ST18: variants seen among roughly 807,000 people sequenced by gnomAD.
ST18 encodes the protein ST18 C2H2C-type zinc finger transcription factor.
Under a neutral mutation model 110.0 loss-of-function variants are expected in ST18, and 50 were observed. The ratio of observed to expected loss-of-function variants is 0.45; its 90% CI spans 0.36 to 0.58. The LOEUF is 0.58. Ranked by LOEUF, ST18 falls within the 20% of genes least tolerant of loss-of-function variation. The pLI, the probability that ST18 is intolerant of heterozygous loss-of-function variation, is 0.00. For synonymous variants in ST18, 461 were observed against 452.4 expected, an observed-to-expected ratio of 1.02 and a Z score of -0.24; for missense variants, 1,306 against 1,280.1, an observed-to-expected ratio of 1.02 and a Z score of -0.31.
At chr8:52,304,155 T>C (rs1589753428) in intron 2 of ST18, among the ~76,000 whole-genome samples, 1 of 152,134 alleles carries the variant, frequency 6.6e-6, no homozygotes, top group Non-Finnish European at 1.5e-5. Flanking sequence ...CTGCAGGATA[T>C]AAAATAAACT....
intron 3 of ST18, among the ~76,000 whole-genome samples, chr8:52,223,848 G>A (rs2088039020): frequency 6.6e-6 from 1 of 152,094 alleles, no homozygotes; most frequent in Non-Finnish European, 1.5e-5. Context: ...CATACCAAGG[G>A]AACCAGACCA....
intron 2 of ST18, among the ~76,000 whole-genome samples, chr8:52,253,541 T>C (rs1208723697): frequency 6.6e-6 from 1 of 152,188 alleles, no homozygotes; most frequent in East Asian, 1.9e-4. Flanking sequence ...TACTTATCAA[T>C]TTAAATTTCC....
chr8:52,239,719 G>A (rs1198815724), intron 2 of ST18, among the ~76,000 whole-genome samples: 1 of 152,168 alleles, frequency 6.6e-6, no homozygotes, highest in Non-Finnish European at 1.5e-5. Flanking sequence ...TATTAGAGAA[G>A]CCAAAGTCTT....
At position 52,375,056 on chromosome 8, in the gene ST18, A is replaced by T. The variant is rs577536368; in HGVS notation, c.-465+34272T>A. ...TCCTAGTCCAAATCAATCCTCTTCA[A>T]CTTGATCCTGTCTCCCCTGACTCAG... On this transcript the variant is annotated intron_variant, in intron 2 of 25. Coordinates refer to ENST00000689386, the MANE Select transcript of ST18 (RefSeq NM_001352837.2). Among the ~76,000 whole-genome samples the T allele has an allele frequency of 5.9e-5, 9 of 151,988 alleles. No individual in the cohort carries two copies. The South Asian group carries it at 1.0e-3, about 18-fold the overall frequency.
chr8:52,379,735 T>C (rs1833832258), intron 2 of ST18, among the ~76,000 whole-genome samples: 1 of 152,156 alleles, frequency 6.6e-6, no homozygotes, highest in African/African-American at 2.4e-5. Context: ...TTATCAAAAC[T>C]CACACATATA....
intron 8 of ST18, among the ~76,000 whole-genome samples, chr8:52,196,510 C>T (rs1334031684): frequency 2.0e-5 from 3 of 152,062 alleles, no homozygotes; most frequent in Admixed American, 2.0e-4. Flanking sequence ...CTTGTCCGTG[C>T]TTTCATTTTC....
At chr8:52,298,337 A>C (rs776289821) in intron 2 of ST18, among the ~76,000 whole-genome samples, 4 of 152,236 alleles carry the variant, frequency 2.6e-5, no homozygotes, top group South Asian at 2.1e-4. Context: ...AAAGCATGGA[A>C]TATTAAGTAG....
chr8:52,402,711 C>T (rs1447586673), intron 2 of ST18, among the ~76,000 whole-genome samples: 1 of 152,162 alleles, frequency 6.6e-6, no homozygotes, highest in Non-Finnish European at 1.5e-5. Flanking sequence ...AGCAAGGACC[C>T]AAGAACAGTG....
intron 2 of ST18, among the ~76,000 whole-genome samples, chr8:52,292,248 T>A (rs1344069788): frequency 6.6e-6 from 1 of 152,244 alleles, no homozygotes; most frequent in Non-Finnish European, 1.5e-5. Flanking sequence ...AATGCTTTAA[T>A]AATGCAGTGT....
intron 8 of ST18, among the ~76,000 whole-genome samples, chr8:52,181,439 C>G (rs2069515483): frequency 6.6e-6 from 1 of 151,998 alleles, no homozygotes; most frequent in African/African-American, 2.4e-5. Context: ...TCAAAAACTT[C>G]CAATGGGGGT....
At chr8:52,286,348 A>G (rs2139251083) in intron 2 of ST18, among the ~76,000 whole-genome samples, 1 of 152,336 alleles carries the variant, frequency 6.6e-6, no homozygotes, top group East Asian at 1.9e-4. Flanking sequence ...AGCATTGAAG[A>G]GATGAACTGC....
At chr8:52,357,413 A>AACT (rs1421140302) in intron 2 of ST18, among the ~76,000 whole-genome samples, 1 of 151,850 alleles carries the variant, frequency 6.6e-6, no homozygotes. Flanking sequence ...AATATGACCC[A>AACT]ACTATATACT....
intron 2 of ST18, among the ~76,000 whole-genome samples, chr8:52,292,924 C>G (rs2095577873): frequency 6.6e-6 from 1 of 152,112 alleles, no homozygotes; most frequent in Admixed American, 6.5e-5. Flanking sequence ...TTATTCTGGC[C>G]TCTTTCCTAT....
chr8:52,386,031 T>A (rs1230314485), intron 2 of ST18, among the ~76,000 whole-genome samples: 1 of 152,180 alleles, frequency 6.6e-6, no homozygotes, highest in Non-Finnish European at 1.5e-5. Flanking sequence ...GGGACTTGAT[T>A]ATGAAGAAGG....
At chr8:52,192,620 A>G (rs1037343990) in intron 8 of ST18, among the ~76,000 whole-genome samples, 54 of 152,224 alleles carry the variant, frequency 3.5e-4, no homozygotes, top group African/African-American at 1.3e-3. Context: ...ATCATGCCAA[A>G]TAAAAAATCA....
At chr8:52,137,157 A>G (rs2052768757) in intron 18 of ST18, among the ~76,000 whole-genome samples, 3 of 152,198 alleles carry the variant, frequency 2.0e-5, no homozygotes, top group South Asian at 2.1e-4. Context: ...CTCATTCCAC[A>G]TGAGTCCTCA....
chr8:52,206,165 C>G (rs903865994), intron 8 of ST18, among the ~76,000 whole-genome samples: 1 of 152,094 alleles, frequency 6.6e-6, no homozygotes, highest in Non-Finnish European at 1.5e-5. Context: ...GAACTTAGCA[C>G]ATGAGTAAAT....
intron 2 of ST18, among the ~76,000 whole-genome samples, chr8:52,383,717 G>A (rs941571194): frequency 2.0e-5 from 3 of 151,862 alleles, no homozygotes; most frequent in Admixed American, 6.6e-5. Context: ...AAAGTGCTGG[G>A]ATTACAGGCG....
intron 8 of ST18, among the ~76,000 whole-genome samples, chr8:52,204,452 C>G (rs112744705): frequency 6.6e-6 from 1 of 152,108 alleles, no homozygotes; most frequent in African/African-American, 2.4e-5. Context: ...TTCTAGTAAG[C>G]CCCCAGGGGA....
Sources: gnomAD v4.1 joint callset for allele counts (sites outside exome capture counted in the v4.1 genomes callset) on GRCh38, gnomAD v4.1.1 for gene constraint, MANE v1.5 for transcripts, NCBI Gene and HGNC (gene_info 2026-07-23, HGNC 2026-07-21) for gene names.